CPS1: variants seen among roughly 807,000 people sequenced by gnomAD.
CPS1 encodes the protein carbamoyl-phosphate synthase [ammonia], mitochondrial.
A neutral mutation model predicts 174.6 loss-of-function variants in CPS1; 109 were observed. The observed-to-expected ratio is 0.62, with a 90% CI of 0.53 to 0.73. CPS1 has a LOEUF of 0.73. Ranked by LOEUF, CPS1 falls within the 30% of genes least tolerant of loss-of-function variation. CPS1 has a pLI of 0.00. For missense variants in CPS1, 1,689 were observed against 1,821.9 expected (o/e 0.93, Z 1.33); for synonymous variants, 637 against 632.0 (o/e 1.01, Z -0.12).
chr2:210,483,281 A>G (rs1272830346), intron 1 of CPS1, among the ~76,000 whole-genome samples: 6 of 152,206 alleles, frequency 3.9e-5, no homozygotes, highest in Non-Finnish European at 8.8e-5. Flanking sequence ...AGGGGAGGTT[A>G]ATCCACATCC....
At chr2:210,656,341 T>C (rs1371282345) in intron 29 of CPS1, among the ~76,000 whole-genome samples, 184 bp from the exon 30 acceptor site, 1 of 152,200 alleles carries the variant, frequency 6.6e-6, no homozygotes, top group Non-Finnish European at 1.5e-5. Flanking sequence ...TAGCTGCCTC[T>C]ACAGGAAATC....
chr2:210,601,109 T>A (rs1437288406), intron 15 of CPS1, among the ~76,000 whole-genome samples: 2 of 151,932 alleles, frequency 1.3e-5, no homozygotes, highest in African/African-American at 4.8e-5. Flanking sequence ...AAATTTTTTT[T>A]AAATAAAATA....
intron 1 of CPS1, among the ~76,000 whole-genome samples, chr2:210,493,269 G>T (rs908392974): frequency 6.6e-6 from 1 of 152,080 alleles, no homozygotes; most frequent in Admixed American, 6.6e-5. Context: ...TTCAAATACT[G>T]GTTACAAATA....
At chr2:210,497,914 A>C (rs11904488) in intron 1 of CPS1, among the ~76,000 whole-genome samples, 3 of 141,264 alleles carry the variant, frequency 2.1e-5, no homozygotes, top group South Asian at 2.3e-4. Flanking sequence ...ATATATATAT[A>C]TATATCTCCA....
At chr2:210,586,944 G>A (rs925232652) in intron 6 of CPS1, among the ~76,000 whole-genome samples, 1 of 151,858 alleles carries the variant, frequency 6.6e-6, no homozygotes, top group Non-Finnish European at 1.5e-5. Context: ...TGGTAATATT[G>A]CTTTATTTTA....
chr2:210,604,865 A>G (rs534274972), intron 16 of CPS1: 30 of 519,796 alleles, frequency 5.8e-5, no homozygotes, highest in Non-Finnish European at 1.0e-4. Flanking sequence ...TTACTGTCAT[A>G]TCAGCACTTT....
chr2:210,588,133 C>T lies in CPS1; in HGVS notation c.697C>T (p.Arg233Cys), dbSNP rs767905306. ...CTGTGGGATTAAAAACAATGTAATC[C>T]GCCTGCTAGTAAAGGTAAGTAATTT... The part of the protein sequence containing the change: ...VDCGIKNNVI[R>C]LLVKRGAEVH... The change falls in exon 7 of 38, where the codon CGC becomes TGC. Residue 233 changes from arginine to cysteine, a missense_variant. By Grantham distance (180) the Arg-to-Cys change is radical. Coordinates refer to ENST00000233072, the MANE Select transcript of CPS1 (RefSeq NM_001875.5). 12 of 1,612,420 alleles carry T rather than the reference C, an allele frequency of 7.4e-6. No individual in the cohort carries two copies. Among genetic ancestry groups the T allele is most frequent in the Admixed American group, 1.7e-5 (1 of 59,868 alleles).
chr2:210,621,833 A>G (rs1377400191), intron 21 of CPS1, among the ~76,000 whole-genome samples: 2 of 152,098 alleles, frequency 1.3e-5, no homozygotes, highest in African/African-American at 4.8e-5. Flanking sequence ...AATAATTCTG[A>G]ATGCCTTCCA....
In CPS1 at chr2:210,576,457, A is replaced by G. The variant is rs745458619; in HGVS notation, c.348A>G (p.Gly116=). ...ATACTACTGCTCTGGATGAACTGGG[A>G]CTTAGCAAATATTTGGAGTCTAATG... The part of the protein sequence containing the change: ...APDTTALDEL[G]LSKYLESNGI... The change falls in exon 3 of 38, where the codon GGA becomes GGG. Residue 116 remains glycine, a synonymous_variant. Transcript: ENST00000233072. 4.3e-6 allele frequency: 7 copies of G among 1,613,678 alleles called. No individual in the cohort carries two copies. In the African/African-American group the frequency reaches 9.3e-5, roughly 22 times the overall value.
chr2:210,487,545 AC>A (rs1559731707), intron 1 of CPS1, among the ~76,000 whole-genome samples: 1 of 152,146 alleles, frequency 6.6e-6, no homozygotes, highest in Non-Finnish European at 1.5e-5. Context: ...CATCAGTTGT[AC>A]ATATTAAGGA....
chr2:210,578,069 G>A (rs955737791), intron 4 of CPS1, among the ~76,000 whole-genome samples: 12 of 151,860 alleles, frequency 7.9e-5, no homozygotes, highest in Non-Finnish European at 8.8e-5. Flanking sequence ...TAAGAAAAGG[G>A]TTATAAAACT....
intron 1 of CPS1, among the ~76,000 whole-genome samples, chr2:210,546,703 C>T (rs1559070303): frequency 6.6e-6 from 1 of 152,020 alleles, no homozygotes; most frequent in East Asian, 1.9e-4. Flanking sequence ...TTTTCTCTGT[C>T]AATGCCATTT....
At chr2:210,664,514 T>A (rs182790493) in intron 33 of CPS1, among the ~76,000 whole-genome samples, 1 of 151,950 alleles carries the variant, frequency 6.6e-6, no homozygotes, top group African/African-American at 2.4e-5. Context: ...TAATTTTGTA[T>A]TTTTAGTAGA....
intron 1 of CPS1, among the ~76,000 whole-genome samples, chr2:210,546,270 A>G (rs1696562861): frequency 6.6e-6 from 1 of 152,020 alleles, no homozygotes; most frequent in Non-Finnish European, 1.5e-5. Context: ...CATGGTTGTT[A>G]CTCTTTCTAA....
intron 1 of CPS1, among the ~76,000 whole-genome samples, chr2:210,527,565 A>G (rs748942869): frequency 7.2e-5 from 11 of 151,892 alleles, no homozygotes; most frequent in East Asian, 3.9e-4. Flanking sequence ...CTTTAATGCA[A>G]TTTCCTCAGG....
At chr2:210,513,742 T>G (rs1189038785) in intron 1 of CPS1, among the ~76,000 whole-genome samples, 2 of 152,074 alleles carry the variant, frequency 1.3e-5, no homozygotes, top group Non-Finnish European at 2.9e-5. Flanking sequence ...TTTTGAGGAC[T>G]TAGTCATAAA....
chr2:210,584,889 G>C (rs1194334401), intron 6 of CPS1, among the ~76,000 whole-genome samples: 3 of 151,978 alleles, frequency 2.0e-5, no homozygotes, highest in Non-Finnish European at 4.4e-5. Flanking sequence ...TATTTGGCCT[G>C]CTTCTTACAA....
At chr2:210,666,675 T>C (rs1274854242) in intron 33 of CPS1, among the ~76,000 whole-genome samples, 3 of 152,114 alleles carry the variant, frequency 2.0e-5, no homozygotes, top group African/African-American at 4.8e-5. Flanking sequence ...TGTTCCGTTC[T>C]ATTGATCTAT....
At chr2:210,547,293 G>T (rs950085383) in intron 1 of CPS1, among the ~76,000 whole-genome samples, 1 of 151,972 alleles carries the variant, frequency 6.6e-6, no homozygotes, top group Non-Finnish European at 1.5e-5. Flanking sequence ...GATTTTCATT[G>T]AAATTAATTC....
Sources: gnomAD v4.1 joint callset for allele counts (sites outside exome capture counted in the v4.1 genomes callset) on GRCh38, gnomAD v4.1.1 for gene constraint, MANE v1.5 for transcripts, NCBI Gene and HGNC (gene_info 2026-07-23, HGNC 2026-07-21) for gene names.